Variants in PLCH1 observed in about 807,000 individuals in gnomAD.
PLCH1 encodes the protein 1-phosphatidylinositol 4,5-bisphosphate phosphodiesterase eta-1.
A neutral mutation model predicts 126.7 loss-of-function variants in PLCH1; 60 were observed. That is an observed-to-expected ratio of 0.47 (90% CI 0.38 to 0.59). The LOEUF is 0.59. Among genes scored for constraint, PLCH1 ranks in the 20% least tolerant of loss-of-function variants. The pLI is 0.00. For missense variants in PLCH1, 1,723 were observed against 2,040.0 expected (o/e 0.84, Z 2.99); for synonymous variants, 719 against 734.9 (o/e 0.98, Z 0.35).
downstream of PLCH1, among the ~76,000 whole-genome samples, chr3:155,477,080 A>G (rs1713578457): frequency 6.6e-6 from 1 of 152,100 alleles, no homozygotes; most frequent in African/African-American, 2.4e-5. Context: ...ACAATAGAAA[A>G]TGCAGAAACA....
intron 1 of PLCH1, among the ~76,000 whole-genome samples, chr3:155,732,683 G>A (rs1015860522): frequency 1.3e-5 from 2 of 151,890 alleles, no homozygotes; most frequent in African/African-American, 4.8e-5. Flanking sequence ...TTTGAGACCA[G>A]CCTAGCCAAA....
Position 155,568,422 on chromosome 3 carries a change from T to C in PLCH1, c.772-98A>G, listed in dbSNP as rs539538107. 6.8e-4 allele frequency: 379 copies of C among 560,960 alleles called. 1 individual carries two copies. Among genetic ancestry groups the C allele is most frequent in the Middle Eastern group, 4.5e-3 (17 of 3,748 alleles). The allele number at this position is 560,960 out of a possible 1,614,324, so 34.7% of individuals were successfully genotyped here. A position where few individuals can be genotyped will look rare whatever the true frequency, so the allele number is the denominator to read the frequency against. ...TACTGATTTTGCATTCTTCACACCGTACAAAGTACCTAAATGAGCATTGTT... is the reference window on the plus strand; with the variant it reads ...TACTGATTTTGCATTCTTCACACCGCACAAAGTACCTAAATGAGCATTGTT... On this transcript the variant is annotated intron_variant, in intron 6 of 22. Transcript: ENST00000460012.
intron 10 of PLCH1, among the ~76,000 whole-genome samples, chr3:155,548,726 G>A (rs368082052): frequency 1.3e-5 from 2 of 152,302 alleles, no homozygotes; most frequent in East Asian, 1.9e-4. Flanking sequence ...TGGCCTTCAT[G>A]TTATCTCTTG....
chr3:155,451,545 A>G (rs935094871), intron 21 of PLCH1, among the ~76,000 whole-genome samples: 1 of 152,182 alleles, frequency 6.6e-6, no homozygotes, highest in African/African-American at 2.4e-5. Flanking sequence ...CTATGTGGGT[A>G]TTTCTTGATG....
At chr3:155,469,375 A>C (rs1365957750) in intron 21 of PLCH1, among the ~76,000 whole-genome samples, 1 of 152,238 alleles carries the variant, frequency 6.6e-6, no homozygotes, top group Non-Finnish European at 1.5e-5. Context: ...GACCGGCCTA[A>C]AAAACGGTGC....
Position 155,627,378 on chromosome 3 carries a change from C to A in PLCH1, c.80-31000G>T, listed in dbSNP as rs1300830370. On this transcript the variant is annotated intron_variant, in intron 2 of 22. Transcript: ENST00000460012. ...AGGTGTGGTGGCTCATGCCTGTAAT[C>A]CCAGCACTTTGGGAGGCCGAGGCAG... 2.0e-5 allele frequency among the ~76,000 whole-genome samples: 3 copies of A among 152,242 alleles called. No homozygotes were observed. The East Asian group carries it at 5.8e-4, about 29-fold the overall frequency.
At chr3:155,645,212 T>G (rs2108871670) in intron 2 of PLCH1, among the ~76,000 whole-genome samples, 1 of 152,288 alleles carries the variant, frequency 6.6e-6, no homozygotes, top group Middle Eastern at 3.4e-3. Context: ...TTTTTTGTTT[T>G]TAAAGAAATG....
intron 2 of PLCH1, among the ~76,000 whole-genome samples, chr3:155,682,867 G>A (rs1488960068): frequency 2.0e-5 from 3 of 152,338 alleles, no homozygotes; most frequent in African/African-American, 2.4e-5. Context: ...AAGACCTGTA[G>A]GGGAGCAGGT....
chr3:155,621,477 A>G (rs114683285), intron 2 of PLCH1, among the ~76,000 whole-genome samples: 1,923 of 152,306 alleles, frequency 0.013, 32 homozygotes, highest in African/African-American at 0.044. Context: ...CTAAAGGAGC[A>G]TGTTCTAAAT....
At chr3:155,620,427 A>G (rs1250266658) in intron 2 of PLCH1, among the ~76,000 whole-genome samples, 1 of 152,226 alleles carries the variant, frequency 6.6e-6, no homozygotes, top group Non-Finnish European at 1.5e-5. Context: ...CAAGTAAAGC[A>G]TGGGAAGTGT....
chr3:155,603,049 T>C (rs934538460), intron 2 of PLCH1, among the ~76,000 whole-genome samples: 5 of 152,132 alleles, frequency 3.3e-5, no homozygotes, highest in Admixed American at 3.3e-4. Context: ...TTCGCCGAGA[T>C]TAGGGTCATA....
At chr3:155,544,380 C>T (rs1414752581) in intron 10 of PLCH1, among the ~76,000 whole-genome samples, 8 of 152,310 alleles carry the variant, frequency 5.3e-5, no homozygotes, top group Non-Finnish European at 1.0e-4. Context: ...CACCCAGATT[C>T]ATAAAGCAAG....
At chr3:155,463,612 T>C (rs958073836) in intron 21 of PLCH1, among the ~76,000 whole-genome samples, 7 of 152,164 alleles carry the variant, frequency 4.6e-5, no homozygotes, top group African/African-American at 1.7e-4. Context: ...TAACATCATC[T>C]CCTCACAAAA....
In PLCH1 at chr3:155,485,668, G is replaced by T. The variant is rs1256026600; in HGVS notation, c.2662C>A (p.Pro888Thr). The T allele has an allele frequency of 4.4e-6, 7 of 1,605,468 alleles. No individual in the cohort carries two copies. The highest frequency in any genetic ancestry group is 3.3e-5 in the South Asian group (3 of 91,070). Reference sequence around the variant, plus strand: ...TTGTTTTCTGAAGAACTGTGCCTAGGATTCTTATTGAACAGTCCCTTCAGA... The same window carrying T: ...TTGTTTTCTGAAGAACTGTGCCTAGTATTCTTATTGAACAGTCCCTTCAGA... Reference protein sequence around the residue: ...QGLKGLFNKNPRHSSSENNSH... With the variant: ...QGLKGLFNKNTRHSSSENNSH... The change falls in exon 22 of 23, where the codon CCT becomes ACT. Residue 888 changes from proline (P) to threonine (T), a missense_variant. Pro to Thr is a conservative substitution (Grantham distance 38). This residue lies in a region of PLCH1 where 947 missense variants were observed against 977.1 expected (regional missense o/e 0.97). Transcript: ENST00000460012.
intron 11 of PLCH1, among the ~76,000 whole-genome samples, chr3:155,520,940 T>C (rs1721001742): frequency 6.6e-6 from 1 of 152,212 alleles, no homozygotes; most frequent in Non-Finnish European, 1.5e-5. Context: ...AACAGGAGTC[T>C]TGTCCTCCTG....
At chr3:155,583,699 T>C in intron 5 of PLCH1, 57 bp from the exon 6 acceptor site, 1 of 1,209,186 alleles carries the variant, frequency 8.3e-7, no homozygotes, top group Non-Finnish European at 1.1e-6. Flanking sequence ...GGAAATTCAG[T>C]ACTGGGAAAT....
intron 2 of PLCH1, among the ~76,000 whole-genome samples, chr3:155,674,570 G>A (rs1743897506): frequency 6.6e-6 from 1 of 151,998 alleles, no homozygotes; most frequent in Admixed American, 6.6e-5. Flanking sequence ...TACCAAGATG[G>A]CTAGTCAGTA....
chr3:155,468,428 A>G (rs1172604718), intron 21 of PLCH1, among the ~76,000 whole-genome samples: 3 of 152,208 alleles, frequency 2.0e-5, no homozygotes, highest in Non-Finnish European at 2.9e-5. Flanking sequence ...TACTTGGGCT[A>G]AATTCTCCAA....
intron 8 of PLCH1, among the ~76,000 whole-genome samples, chr3:155,556,635 A>G (rs1377571383): frequency 1.3e-5 from 2 of 152,220 alleles, no homozygotes; most frequent in Non-Finnish European, 2.9e-5. Flanking sequence ...TTAACATTTA[A>G]ATCAGTAGGC....
Sources: allele counts gnomAD v4.1 joint callset (sites outside exome capture counted in the v4.1 genomes callset), GRCh38; gene constraint gnomAD v4.1.1; regional missense constraint gnomAD v4.1.1; transcripts MANE v1.5; gene names NCBI Gene and HGNC (gene_info 2026-07-23, HGNC 2026-07-21).